NRG3: variants seen among roughly 807,000 people sequenced by gnomAD.
The protein encoded by NRG3 is neuregulin 3, also known as pro-neuregulin-3, membrane-bound isoform.
Under a neutral mutation model 66.9 loss-of-function variants are expected in NRG3, and 31 were observed. The observed-to-expected ratio is 0.46, with a 90% confidence interval of 0.35 to 0.63. NRG3 has a LOEUF of 0.63. Ranked by LOEUF, NRG3 falls within the 20% of genes least tolerant of loss-of-function variation. NRG3 has a pLI of 0.00. For missense variants in NRG3, 910 were observed against 878.9 expected (o/e 1.04, Z -0.45); for synonymous variants, 393 against 359.4 (o/e 1.09, Z -1.06).
intron 6 of NRG3, 36 bp from the exon 7 acceptor site, chr10:82,973,752 C>T: frequency 6.2e-7 from 1 of 1,612,790 alleles, no homozygotes; most frequent in South Asian, 1.1e-5. Flanking sequence ...CATAATGTAT[C>T]CTTCGTCTCA....
chr10:82,034,555 T>C (rs983095847), intron 1 of NRG3, among the ~76,000 whole-genome samples: 3 of 152,078 alleles, frequency 2.0e-5, no homozygotes, highest in African/African-American at 4.8e-5. Flanking sequence ...AGAATAATAA[T>C]CCTGATTTCA....
chr10:82,194,633 G>A (rs1432790842), intron 1 of NRG3, among the ~76,000 whole-genome samples: 1 of 152,098 alleles, frequency 6.6e-6, no homozygotes, highest in African/African-American at 2.4e-5. Flanking sequence ...CTCACTACAT[G>A]AGTCAGACAG....
chr10:82,504,761 G>A (rs1844517480), intron 2 of NRG3, among the ~76,000 whole-genome samples: 1 of 152,072 alleles, frequency 6.6e-6, no homozygotes, highest in Non-Finnish European at 1.5e-5. Context: ...CTGGGAAAAC[G>A]TTTGTCTGTG....
chr10:82,823,159 C>A (rs1373582373), intron 3 of NRG3, among the ~76,000 whole-genome samples: 1 of 152,132 alleles, frequency 6.6e-6, no homozygotes, highest in Non-Finnish European at 1.5e-5. Flanking sequence ...CCAAGGATGA[C>A]AAAATCTTCC....
At chr10:82,233,621 A>G (rs1485316765) in intron 1 of NRG3, among the ~76,000 whole-genome samples, 1 of 152,110 alleles carries the variant, frequency 6.6e-6, no homozygotes. Context: ...TGTGTATCTA[A>G]CTGCCTCTTT....
intron 2 of NRG3, among the ~76,000 whole-genome samples, chr10:82,693,581 C>G (rs2055120276): frequency 6.6e-6 from 1 of 152,100 alleles, no homozygotes; most frequent in South Asian, 2.1e-4. Context: ...ATAATAATTC[C>G]TCTATTATAT....
intron 1 of NRG3, among the ~76,000 whole-genome samples, chr10:81,996,923 C>A (rs957658016): frequency 6.6e-6 from 1 of 151,898 alleles, no homozygotes; most frequent in African/African-American, 2.4e-5. Flanking sequence ...ATAAATGTCT[C>A]ATAGGCATGA....
chr10:82,219,861 A>C (rs1028185939), intron 1 of NRG3, among the ~76,000 whole-genome samples: 2 of 152,048 alleles, frequency 1.3e-5, no homozygotes, highest in Admixed American at 6.6e-5. Flanking sequence ...CAATGCTGCA[A>C]ATCCATTGAA....
chr10:81,997,492 C>T (rs2060985037), intron 1 of NRG3, among the ~76,000 whole-genome samples: 1 of 152,128 alleles, frequency 6.6e-6, no homozygotes, highest in Non-Finnish European at 1.5e-5. Flanking sequence ...GAAGCCTTTA[C>T]CTTCATGTCT....
intron 3 of NRG3, among the ~76,000 whole-genome samples, chr10:82,803,937 A>G (rs1408450104): frequency 6.6e-6 from 1 of 152,202 alleles, no homozygotes; most frequent in African/African-American, 2.4e-5. Flanking sequence ...TAAACAATTT[A>G]TAAGTTTTAA....
chr10:82,974,007 G>T, intron 7 of NRG3, 92 bp downstream of exon 7: 1 of 1,431,920 alleles, frequency 7.0e-7, no homozygotes, highest in South Asian at 1.2e-5. Context: ...TGACTTAGGA[G>T]AGACAACTGT....
chr10:82,289,688 T>G lies in NRG3; in HGVS notation c.824-69051T>G, dbSNP rs137857776. On this transcript the variant is annotated intron_variant, in intron 1 of 8. Transcript: ENST00000372141. ...AATATATACCTTTATAGACATATTT[T>G]CATCTTTTCTACATATGTGGGAATG... 4.7e-3 allele frequency among the ~76,000 whole-genome samples: 718 copies of G among 152,340 alleles called. 6 individuals are homozygous for G. Among genetic ancestry groups the G allele is most frequent in the African/African-American group, 0.017 (688 of 41,578 alleles).
chr10:82,724,876 C>G (rs990870813), intron 2 of NRG3, among the ~76,000 whole-genome samples: 1 of 152,136 alleles, frequency 6.6e-6, no homozygotes, highest in Non-Finnish European at 1.5e-5. Context: ...GATTTATTTT[C>G]TTTTCATTCT....
intron 1 of NRG3, among the ~76,000 whole-genome samples, chr10:81,883,297 T>C (rs994434650): frequency 8.5e-5 from 13 of 152,214 alleles, no homozygotes; most frequent in African/African-American, 2.7e-4. Flanking sequence ...TCTTCAAATC[T>C]GTGTTTGTTG....
intron 1 of NRG3, among the ~76,000 whole-genome samples, chr10:81,895,683 A>G (rs1267658134): frequency 6.6e-6 from 1 of 152,128 alleles, no homozygotes; most frequent in Non-Finnish European, 1.5e-5. Context: ...TAGGAAGAGC[A>G]GTGGATGTTA....
intron 2 of NRG3, among the ~76,000 whole-genome samples, chr10:82,407,393 A>G (rs1300935998): frequency 6.6e-6 from 1 of 152,172 alleles, no homozygotes; most frequent in Non-Finnish European, 1.5e-5. Flanking sequence ...CAAAGTGGTG[A>G]TAAGATTGGG....
chr10:82,076,671 C>A (rs2065109580), intron 1 of NRG3, among the ~76,000 whole-genome samples: 1 of 152,046 alleles, frequency 6.6e-6, no homozygotes, highest in African/African-American at 2.4e-5. Context: ...TGTCTGGCAC[C>A]TCCTCTTCTC....
chr10:82,972,533 T>G (rs1045957866), intron 6 of NRG3, among the ~76,000 whole-genome samples: 1 of 152,170 alleles, frequency 6.6e-6, no homozygotes, highest in Non-Finnish European at 1.5e-5. Flanking sequence ...TCTTACTTCA[T>G]AAGTCATCTT....
chr10:82,131,295 C>T (rs985065484), intron 1 of NRG3, among the ~76,000 whole-genome samples: 2 of 152,002 alleles, frequency 1.3e-5, no homozygotes, highest in African/African-American at 4.8e-5. Flanking sequence ...TTTAAAGAGA[C>T]TACCCTTTCC....
Sources: allele counts gnomAD v4.1 joint callset (sites outside exome capture counted in the v4.1 genomes callset), GRCh38; gene constraint gnomAD v4.1.1; transcripts MANE v1.5; gene names NCBI Gene and HGNC (gene_info 2026-07-23, HGNC 2026-07-21).